LRRC37A2: variants seen among roughly 807,000 people sequenced by gnomAD.
LRRC37A2 encodes the protein leucine rich repeat containing 37 member A2, also known as leucine-rich repeat-containing protein 37A2.
LRRC37A2 carries 9 observed loss-of-function variants against 68.8 expected under a neutral mutation model. That is an observed-to-expected ratio of 0.13 (90% CI 0.08 to 0.23). The LOEUF is 0.23. Among genes scored for constraint, LRRC37A2 ranks in the 10% least tolerant of loss-of-function variants. The probability of loss-of-function intolerance (pLI) is 1.00; values close to 1 mark genes in which losing one functional copy is unlikely to be tolerated. For missense variants in LRRC37A2, 168 were observed against 950.4 expected, an observed-to-expected ratio of 0.18 and a Z score of 10.82; for synonymous variants, 63 against 367.6, an observed-to-expected ratio of 0.17 and a Z score of 9.48.
the LRRC37A2 span, among the ~76,000 whole-genome samples, chr17:46,827,462 G>A: frequency 6.6e-6 from 1 of 152,182 alleles, no homozygotes; most frequent in African/African-American, 2.4e-5. Context: ...GAGGAAAGCT[G>A]CCTGAAGATG....
chr17:46,837,988 G>A, the LRRC37A2 span, among the ~76,000 whole-genome samples: 826 of 152,248 alleles, frequency 5.4e-3, 12 homozygotes, highest in African/African-American at 0.018. Flanking sequence ...GTACATCACC[G>A]TCTTTCTCCA....
At chr17:46,938,466 A>G in the LRRC37A2 span, 4 of 1,376,940 alleles carry the variant, frequency 2.9e-6, no homozygotes, top group South Asian at 1.2e-5. Flanking sequence ...TTTCTGGCTG[A>G]TATTGCTTTC....
chr17:46,831,685 C>T, the LRRC37A2 span: 1 of 152,422 alleles, frequency 6.6e-6, no homozygotes, highest in South Asian at 2.1e-4. Flanking sequence ...CACTTGTTCC[C>T]CTCCGGGTCC....
chr17:46,763,621 C>T, the LRRC37A2 span: 5 of 152,228 alleles, frequency 3.3e-5, no homozygotes, highest in Admixed American at 3.3e-4. Context: ...GATGGCTACT[C>T]CCTCACGGAC....
the LRRC37A2 span, among the ~76,000 whole-genome samples, chr17:46,947,353 T>C: frequency 1.3e-5 from 2 of 152,052 alleles, no homozygotes; most frequent in African/African-American, 4.8e-5. Context: ...CTACCCCTGC[T>C]CCCTCCCCAC....
chr17:46,785,391 G>C, the LRRC37A2 span, among the ~76,000 whole-genome samples: 6 of 152,196 alleles, frequency 3.9e-5, no homozygotes, highest in Admixed American at 3.9e-4. Context: ...TGAGTGGAAG[G>C]GGATATCCCA....
chr17:46,806,818 GGCCGCC>G, the LRRC37A2 span, among the ~76,000 whole-genome samples: 1 of 152,248 alleles, frequency 6.6e-6, no homozygotes, highest in East Asian at 1.9e-4. Context: ...GGAGATCCCT[GGCCGCC>G]GCTCCCCTCT....
chr17:46,865,355 T>G, the LRRC37A2 span, among the ~76,000 whole-genome samples: 1 of 152,090 alleles, frequency 6.6e-6, no homozygotes, highest in East Asian at 1.9e-4. Context: ...AGTGGGGCTG[T>G]GCTTGGAGAG....
At chr17:46,718,675 C>T in the LRRC37A2 span, among the ~76,000 whole-genome samples, 1 of 152,052 alleles carries the variant, frequency 6.6e-6, no homozygotes, top group South Asian at 2.1e-4. Context: ...ACTGACCGGC[C>T]GAATGACCTT....
the LRRC37A2 span, among the ~76,000 whole-genome samples, chr17:46,832,048 C>T: frequency 2.0e-5 from 3 of 152,176 alleles, no homozygotes; most frequent in Admixed American, 6.5e-5. Context: ...TCGTGAGGCC[C>T]GCGTGGTTTT....
At chr17:46,929,335 T>C in the LRRC37A2 span, among the ~76,000 whole-genome samples, 1 of 152,228 alleles carries the variant, frequency 6.6e-6, no homozygotes, top group Non-Finnish European at 1.5e-5. Flanking sequence ...GTGTTATTGT[T>C]AGTAGTTAAG....
chr17:46,872,118 G>T, the LRRC37A2 span, among the ~76,000 whole-genome samples: 1 of 152,136 alleles, frequency 6.6e-6, no homozygotes, highest in Non-Finnish European at 1.5e-5. Flanking sequence ...CAAACTTCCC[G>T]GATCACAAAA....
chr17:46,768,776 G>A, the LRRC37A2 span: 4 of 1,613,970 alleles, frequency 2.5e-6, no homozygotes, highest in Non-Finnish European at 3.4e-6. The surrounding 1 kb of genome is among the most constrained non-coding windows in gnomAD (Gnocchi z 5.0). Context: ...ACTTGCATTT[G>A]AGGTGCATGT....
At chr17:46,730,516 G>A in the LRRC37A2 span, among the ~76,000 whole-genome samples, 1 of 152,244 alleles carries the variant, frequency 6.6e-6, no homozygotes. Flanking sequence ...CGAATGATCT[G>A]CCACACTAAG....
chr17:46,874,227 A>G, the LRRC37A2 span, among the ~76,000 whole-genome samples: 1 of 152,186 alleles, frequency 6.6e-6, no homozygotes, highest in East Asian at 1.9e-4. Context: ...TGGGATGGTC[A>G]GTCTGAGGCA....
chr17:46,923,535 C>T, the LRRC37A2 span: 1 of 1,335,644 alleles, frequency 7.5e-7, no homozygotes, highest in African/African-American at 1.5e-5. Flanking sequence ...CAGCACTTGT[C>T]AACTCGGTGC....
At chr17:46,479,464 A>G in the LRRC37A2 span, among the ~76,000 whole-genome samples, 436 of 96,598 alleles carry the variant, frequency 4.5e-3, 3 homozygotes, top group African/African-American at 8.1e-3. Context: ...TAGTACCCCA[A>G]ATAGATCTAA....
intron 2 of LRRC37A2, among the ~76,000 whole-genome samples, chr17:46,516,077 G>A (rs1298367527): frequency 2.8e-5 from 4 of 141,612 alleles, no homozygotes; most frequent in Non-Finnish European, 6.0e-5. Flanking sequence ...GAGGCGGGCG[G>A]ATCATGAGGT....
chr17:47,035,198 A>T, the LRRC37A2 span: 3 of 152,254 alleles, frequency 2.0e-5, no homozygotes, highest in Non-Finnish European at 4.4e-5. Context: ...AGTATTATAA[A>T]GTGTACAATT....
Sources: allele counts gnomAD v4.1 joint callset (sites outside exome capture counted in the v4.1 genomes callset), GRCh38; gene constraint gnomAD v4.1.1; non-coding constraint Gnocchi (gnomAD v3.1); transcripts MANE v1.5; gene names NCBI Gene and HGNC (gene_info 2026-07-23, HGNC 2026-07-21).